SLC6A2: variants seen among roughly 807,000 people sequenced by gnomAD.
The protein encoded by SLC6A2 is sodium-dependent noradrenaline transporter.
Under a neutral mutation model 71.7 loss-of-function variants are expected in SLC6A2, and 26 were observed. That is an observed-to-expected ratio of 0.36 (90% CI 0.27 to 0.50). SLC6A2 has a LOEUF of 0.50. SLC6A2 is among the 20% of genes least tolerant of loss of function. The pLI, the probability that SLC6A2 is intolerant of heterozygous loss-of-function variation, is 0.96. For missense variants in SLC6A2, 581 were observed against 803.9 expected (o/e 0.72, Z 3.35); for synonymous variants, 363 against 337.9 (o/e 1.07, Z -0.82).
chr16:55,686,058 T>C (rs1486855003), intron 5 of SLC6A2, among the ~76,000 whole-genome samples: 1 of 152,186 alleles, frequency 6.6e-6, no homozygotes, highest in African/African-American at 2.4e-5. Flanking sequence ...TTTCCAGTGT[T>C]GTGGTGAGCT....
chr16:55,657,564 C>T (rs1964493356), intron 2 of SLC6A2, among the ~76,000 whole-genome samples: 1 of 152,192 alleles, frequency 6.6e-6, no homozygotes, highest in African/African-American at 2.4e-5. Flanking sequence ...AGAAATAATG[C>T]CATTCTCAGG....
Position 55,671,961 on chromosome 16 carries a change from A to G in SLC6A2, c.430A>G (p.Ile144Val). The G allele has an allele frequency of 6.2e-7, 1 of 1,614,102 alleles. No individual in the cohort carries two copies. The highest frequency in any genetic ancestry group is 8.5e-7 in the Non-Finnish European group (1 of 1,180,020). Reference protein sequence around the residue: ...FKGVGYAVILIALYVGFYYNV... With the variant: ...FKGVGYAVILVALYVGFYYNV... ...AGGCGTTGGCTATGCTGTCATCCTGATCGCCCTGTACGTTGGCTTCTACTA... is the reference window on the plus strand; with the variant it reads ...AGGCGTTGGCTATGCTGTCATCCTGGTCGCCCTGTACGTTGGCTTCTACTA... The change falls in exon 4 of 15, where the codon ATC becomes GTC. Residue 144 changes from isoleucine to valine, a missense_variant. Physicochemically the swap from Ile to Val is conservative, Grantham distance 29 (BLOSUM62 3). This residue lies in a region of SLC6A2 where 81 missense variants were observed against 152.4 expected (regional missense o/e 0.53). Transcript: ENST00000568943.
At position 55,704,595 on chromosome 16, in the gene SLC6A2, T is replaced by C. The variant is rs1597023412; in HGVS notation, c.*2249T>C. The C allele has an allele frequency of 6.6e-6, 1 of 152,360 alleles. No individual in the cohort carries two copies. The highest frequency in any genetic ancestry group is 2.4e-5 in the African/African-American group (1 of 41,574). The allele number at this position is 152,360 out of a possible 1,614,324, so 9.4% of individuals were successfully genotyped here. A position where few individuals can be genotyped will look rare whatever the true frequency, so the allele number is the denominator to read the frequency against. On this transcript the variant is annotated 3_prime_UTR_variant, in exon 15 of 15. Coordinates refer to ENST00000568943, the MANE Select transcript of SLC6A2 (RefSeq NM_001172501.3). ...TCTCTTTTGATGAAAATAATCACTC[T>C]TTGGAATAGTTGGATGTGAAAAGCT...
intron 2 of SLC6A2, among the ~76,000 whole-genome samples, chr16:55,669,140 A>G (rs1366468201): frequency 1.3e-5 from 2 of 152,086 alleles, no homozygotes; most frequent in African/African-American, 4.8e-5. Context: ...TCTGGTTTCA[A>G]TTTTCTTGCC....
At chr16:55,698,121 A>G in intron 10 of SLC6A2, 96 bp downstream of exon 10, 1 of 1,360,500 alleles carries the variant, frequency 7.4e-7, no homozygotes, top group South Asian at 1.2e-5. Flanking sequence ...GGCTGAGCTC[A>G]GGGAGAACAA....
At chr16:55,658,790 C>A (rs968786968) in intron 2 of SLC6A2, among the ~76,000 whole-genome samples, 5 of 152,110 alleles carry the variant, frequency 3.3e-5, no homozygotes, top group Non-Finnish European at 7.4e-5. Context: ...TGTGACTCTG[C>A]GGGCTCAATG....
intron 5 of SLC6A2, among the ~76,000 whole-genome samples, chr16:55,686,227 T>C (rs1328186378): frequency 6.6e-6 from 1 of 152,210 alleles, no homozygotes; most frequent in Non-Finnish European, 1.5e-5. Flanking sequence ...TGGAATATTC[T>C]AGATGGTGCA....
chr16:55,661,942 G>A (rs1414498011), intron 2 of SLC6A2, among the ~76,000 whole-genome samples: 3 of 152,208 alleles, frequency 2.0e-5, no homozygotes, highest in Middle Eastern at 3.2e-3. Flanking sequence ...TCAGGAGTCT[G>A]CAAACTCAGT....
intron 4 of SLC6A2, among the ~76,000 whole-genome samples, chr16:55,680,102 C>A (rs1008103858): frequency 6.6e-6 from 1 of 152,132 alleles, no homozygotes; most frequent in African/African-American, 2.4e-5. Flanking sequence ...CAGTGAGAAC[C>A]ACTGTTTTAG....
chr16:55,687,635 G>C lies in SLC6A2; in HGVS notation c.783+2354G>C, dbSNP rs1168692387. Among the ~76,000 whole-genome samples the C allele has an allele frequency of 2.0e-5, 3 of 152,208 alleles. No individual in the cohort carries two copies. The East Asian group carries it at 5.8e-4, about 29-fold the overall frequency. On this transcript the variant is annotated intron_variant, in intron 5 of 14. Transcript: ENST00000568943. ...CTGCAGGCACAGACAGAGACCCTGA[G>C]GGGAGACAGGGCTCAACCCTGTGAA...
intron 10 of SLC6A2, 54 bp from the exon 11 acceptor site, chr16:55,698,415 A>G (rs1965866073): frequency 1.6e-6 from 2 of 1,239,856 alleles, no homozygotes; most frequent in South Asian, 1.2e-5. Context: ...CACAACAATC[A>G]GTTCCCACGT....
chr16:55,698,359 T>G, intron 10 of SLC6A2, 110 bp from the exon 11 acceptor site: 1 of 818,952 alleles, frequency 1.2e-6, no homozygotes, highest in South Asian at 1.4e-5. Flanking sequence ...GGTTTTCAAA[T>G]AGAGCTCCGA....
chr16:55,658,357 C>T (rs928772993), intron 2 of SLC6A2, among the ~76,000 whole-genome samples: 10 of 152,192 alleles, frequency 6.6e-5, no homozygotes, highest in African/African-American at 2.4e-4. Context: ...ACTAAAAATA[C>T]AAAAACTTAG....
chr16:55,698,351 T>G (rs1425768263), intron 10 of SLC6A2, 118 bp from the exon 11 acceptor site: 1 of 788,528 alleles, frequency 1.3e-6, no homozygotes, highest in African/African-American at 1.7e-5. Flanking sequence ...ATGCCCTGGG[T>G]TTTCAAATAG....
At chr16:55,671,707 T>G in intron 3 of SLC6A2, 1 of 796,400 alleles carries the variant, frequency 1.3e-6, no homozygotes, top group Non-Finnish European at 1.9e-6. Context: ...AACTAACGCC[T>G]GATGACCTGA....
chr16:55,678,981 T>A (rs1277760775), intron 4 of SLC6A2, among the ~76,000 whole-genome samples: 3 of 152,192 alleles, frequency 2.0e-5, no homozygotes, highest in Non-Finnish European at 4.4e-5. Context: ...AAGTGGACTT[T>A]GAATGCATGG....
At chr16:55,666,196 G>A (rs1036850768) in intron 2 of SLC6A2, among the ~76,000 whole-genome samples, 1 of 152,166 alleles carries the variant, frequency 6.6e-6, no homozygotes, top group African/African-American at 2.4e-5. Context: ...TGAGACTCTC[G>A]GACCCTGTGT....
rs1446606204 is a variant in SLC6A2, at chr16:55,694,117, A to G, written c.1022+4A>G. 1.3e-5 allele frequency: 20 copies of G among 1,546,438 alleles called. No homozygotes were observed. Among genetic ancestry groups the G allele is most frequent in the Non-Finnish European group, 1.7e-5 (19 of 1,118,490 alleles). ...AATTTGACAACAACTGTTACAGGTA[A>G]GATTCTTCTCAGAATTCTGAGAAGC... is the stretch of plus-strand genomic sequence containing the variant. On this transcript the variant is annotated splice_donor_region_variant and intron_variant, in intron 7 of 14. Coordinates refer to ENST00000568943, the MANE Select transcript of SLC6A2 (RefSeq NM_001172501.3).
intron 4 of SLC6A2, among the ~76,000 whole-genome samples, chr16:55,676,762 T>C (rs796269075): frequency 2.4e-4 from 37 of 152,214 alleles, no homozygotes; most frequent in African/African-American, 8.2e-4. Flanking sequence ...CACTGTGGTA[T>C]AAGATTATTT....
Sources: gnomAD v4.1 joint callset for allele counts (sites outside exome capture counted in the v4.1 genomes callset) on GRCh38, gnomAD v4.1.1 for gene constraint, gnomAD v4.1.1 regional missense constraint, MANE v1.5 for transcripts, NCBI Gene and HGNC (gene_info 2026-07-23, HGNC 2026-07-21) for gene names.